The following SLC24A2 variants were observed in gnomAD, a reference collection of about 807,000 sequenced individuals.
SLC24A2 encodes the protein solute carrier family 24 member 2.
SLC24A2 carries 36 observed loss-of-function variants against 62.0 expected under a neutral mutation model. The observed-to-expected ratio is 0.58, with a 90% CI of 0.44 to 0.77. The LOEUF is 0.77. SLC24A2 is among the 30% of genes least tolerant of loss of function. The pLI, the probability that SLC24A2 is intolerant of heterozygous loss-of-function variation, is 0.00. For missense variants in SLC24A2, 846 were observed against 817.9 expected (o/e 1.03, Z -0.42); for synonymous variants, 358 against 294.0 (o/e 1.22, Z -2.23).
At chr9:20,149,219 A>G in the SLC24A2 span, among the ~76,000 whole-genome samples, 2 of 152,006 alleles carry the variant, frequency 1.3e-5, no homozygotes, top group South Asian at 2.1e-4. Flanking sequence ...GGTAACTCTA[A>G]TGACTTTCCT....
chr9:19,930,305 T>C, the SLC24A2 span, among the ~76,000 whole-genome samples: 5 of 152,220 alleles, frequency 3.3e-5, no homozygotes, highest in Non-Finnish European at 2.9e-5. Context: ...TGTTTCCACA[T>C]TGAGATGTAT....
intron 2 of SLC24A2, among the ~76,000 whole-genome samples, chr9:19,628,762 G>T (rs1023206247): frequency 6.6e-6 from 1 of 152,134 alleles, no homozygotes; most frequent in African/African-American, 2.4e-5. Context: ...GAGCCACACT[G>T]GAAGAAGAAC....
the SLC24A2 span, among the ~76,000 whole-genome samples, chr9:20,004,356 G>T: frequency 6.6e-6 from 1 of 152,174 alleles, no homozygotes; most frequent in Non-Finnish European, 1.5e-5. Flanking sequence ...GGCTTTTCCA[G>T]GGAAGCTGGT....
chr9:20,250,788 T>TTAATAC, the SLC24A2 span, among the ~76,000 whole-genome samples: 20 of 152,278 alleles, frequency 1.3e-4, no homozygotes, highest in East Asian at 3.7e-3. Flanking sequence ...TCCCAATTAT[T>TTAATAC]TAATACTATG....
At chr9:19,707,843 A>C (rs1820581021) in intron 2 of SLC24A2, among the ~76,000 whole-genome samples, 1 of 152,204 alleles carries the variant, frequency 6.6e-6, no homozygotes, top group South Asian at 2.1e-4. Context: ...GAAAGCTGGC[A>C]CAAGACAGGG....
the SLC24A2 span, among the ~76,000 whole-genome samples, chr9:20,251,565 T>TC: frequency 6.6e-6 from 1 of 152,188 alleles, no homozygotes; most frequent in African/African-American, 2.4e-5. Flanking sequence ...AGCTATTTTT[T>TC]CACAAAGAGA....
intron 2 of SLC24A2, among the ~76,000 whole-genome samples, chr9:19,649,607 C>T (rs186835726): frequency 1.3e-5 from 2 of 152,156 alleles, no homozygotes; most frequent in East Asian, 1.9e-4. Context: ...GGATCAAAGG[C>T]TTCCTCAAAC....
chr9:19,533,515 CAA>C (rs1563939362), intron 8 of SLC24A2, among the ~76,000 whole-genome samples: 1 of 152,226 alleles, frequency 6.6e-6, no homozygotes, highest in Non-Finnish European at 1.5e-5. Context: ...AACTAGATCT[CAA>C]GAGGGCTTTG....
In SLC24A2 at chr9:19,786,050, A is replaced by G; in HGVS notation, c.817T>C (p.Tyr273His). 6.2e-7 allele frequency: 1 copy of G among 1,614,244 alleles called. No individual in the cohort carries two copies. Among genetic ancestry groups the G allele is most frequent in the Non-Finnish European group, 8.5e-7 (1 of 1,180,028 alleles). ...WWESLLLLTA[Y>H]FCYVVFMKFN... ...TTCATGAAAACCACATAGCAAAAAT[A>G]AGCTGTTAAGAGAAGCAAGCTTTCC... Residue 273 changes from tyrosine (Y) to histidine (H), a missense_variant, in exon 2 of 11, where the codon TAT (tyrosine) becomes CAT (histidine). By Grantham distance (83) the Tyr-to-His change is moderately conservative. Transcript: ENST00000341998. This position sits in a 1 kb window ranked among gnomAD's most constrained non-coding sequence, Gnocchi z 5.0.
At chr9:19,901,193 C>T in the SLC24A2 span, among the ~76,000 whole-genome samples, 1 of 152,136 alleles carries the variant, frequency 6.6e-6, no homozygotes, top group Non-Finnish European at 1.5e-5. Flanking sequence ...GTGGCAAATA[C>T]TCATGATTCA....
At chr9:20,209,013 T>C in the SLC24A2 span, among the ~76,000 whole-genome samples, 2 of 152,198 alleles carry the variant, frequency 1.3e-5, no homozygotes, top group Admixed American at 6.5e-5. Context: ...AGTTAACTTA[T>C]TTACCTTGTC....
chr9:19,729,456 T>C (rs1821270690), intron 2 of SLC24A2, among the ~76,000 whole-genome samples: 1 of 152,194 alleles, frequency 6.6e-6, no homozygotes, highest in African/African-American at 2.4e-5. Context: ...AATGAAGATA[T>C]GCACTAAACC....
the SLC24A2 span, among the ~76,000 whole-genome samples, chr9:20,035,960 A>C: frequency 6.6e-6 from 1 of 152,170 alleles, no homozygotes; most frequent in African/African-American, 2.4e-5. Context: ...TAGGAGTCCT[A>C]AGGAAGAATA....
At chr9:19,919,749 A>G in the SLC24A2 span, among the ~76,000 whole-genome samples, 2 of 152,208 alleles carry the variant, frequency 1.3e-5, no homozygotes, top group African/African-American at 4.8e-5. Flanking sequence ...TCTTCACATG[A>G]TGGCAGCAGG....
the SLC24A2 span, among the ~76,000 whole-genome samples, chr9:20,078,285 C>A: frequency 6.6e-6 from 1 of 152,012 alleles, no homozygotes; most frequent in African/African-American, 2.4e-5. Context: ...AAGGACTGCC[C>A]AATTCTTCCA....
At chr9:20,037,314 G>A in the SLC24A2 span, among the ~76,000 whole-genome samples, 13 of 152,282 alleles carry the variant, frequency 8.5e-5, no homozygotes, top group East Asian at 2.5e-3. Flanking sequence ...GTCTGTACAT[G>A]TACAGACTCA....
At chr9:19,535,902 G>A (rs1233995280) in intron 8 of SLC24A2, among the ~76,000 whole-genome samples, 1 of 151,458 alleles carries the variant, frequency 6.6e-6, no homozygotes, top group East Asian at 1.9e-4. Context: ...GCTTGATGGG[G>A]ACAGCATTGA....
At chr9:20,024,951 A>C in the SLC24A2 span, among the ~76,000 whole-genome samples, 1 of 152,194 alleles carries the variant, frequency 6.6e-6, no homozygotes, top group South Asian at 2.1e-4. Context: ...TTCTTGTTCA[A>C]GCATCTGTCT....
At chr9:20,296,234 G>A in the SLC24A2 span, among the ~76,000 whole-genome samples, 3 of 152,302 alleles carry the variant, frequency 2.0e-5, no homozygotes, top group East Asian at 5.8e-4. Context: ...TGCAGCGAGT[G>A]TTTCCAAACT....
Sources: allele counts gnomAD v4.1 joint callset (sites outside exome capture counted in the v4.1 genomes callset), GRCh38; gene constraint gnomAD v4.1.1; non-coding constraint Gnocchi (gnomAD v3.1); transcripts MANE v1.5; gene names NCBI Gene and HGNC (gene_info 2026-07-23, HGNC 2026-07-21).